GCKR: variants seen among roughly 807,000 people sequenced by gnomAD.
The protein encoded by GCKR is glucokinase regulatory protein.
Under a neutral mutation model 82.9 loss-of-function variants are expected in GCKR, and 73 were observed. The ratio of observed to expected loss-of-function variants is 0.88; its 90% confidence interval spans 0.73 to 1.07. The LOEUF (loss-of-function observed/expected upper bound fraction) is 1.07, where lower values mean the gene tolerates loss of function less well. Ranked by LOEUF, GCKR falls within the 50% of genes least tolerant of loss-of-function variation. The pLI is 0.00. For synonymous variants in GCKR, 294 were observed against 291.8 expected (o/e 1.01, Z -0.08); for missense variants, 784 against 782.1 (o/e 1.00, Z -0.03).
intron 7 of GCKR, among the ~76,000 whole-genome samples, chr2:27,500,181 C>G (rs1669541660): frequency 2.6e-5 from 4 of 152,106 alleles, no homozygotes; most frequent in African/African-American, 9.7e-5. Context: ...GCCTCCTCCT[C>G]CCAGGTTCAA....
intron 16 of GCKR, among the ~76,000 whole-genome samples, chr2:27,511,660 C>T (rs1224694709): frequency 6.6e-6 from 1 of 151,100 alleles, no homozygotes. Flanking sequence ...CCAGCCAGGG[C>T]AACAAGAGTG....
At chr2:27,506,692 AG>A in intron 11 of GCKR, 95 bp from the exon 12 acceptor site, 1 of 1,087,978 alleles carries the variant, frequency 9.2e-7, no homozygotes, top group South Asian at 1.2e-5. Context: ...TGCATGTTGA[AG>A]GGTCATGGTT....
chr2:27,499,477 T>C, intron 7 of GCKR, 27 bp downstream of exon 7: 1 of 1,467,222 alleles, frequency 6.8e-7, no homozygotes, highest in Non-Finnish European at 9.6e-7. Flanking sequence ...GTTGAGTGGA[T>C]CAATTTTAGA....
chr2:27,499,546 G>T, intron 7 of GCKR, 96 bp downstream of exon 7: 1 of 961,886 alleles, frequency 1.0e-6, no homozygotes, highest in Non-Finnish European at 1.7e-6. Flanking sequence ...ATCGGTGCTA[G>T]AAGGCAGGAA....
intron 17 of GCKR, among the ~76,000 whole-genome samples, chr2:27,519,904 G>C (rs1558443267): frequency 6.6e-6 from 1 of 152,060 alleles, no homozygotes; most frequent in Non-Finnish European, 1.5e-5. Flanking sequence ...ATGGGGAAGC[G>C]ATAGATCCTC....
intron 3 of GCKR, 146 bp from the exon 4 acceptor site, chr2:27,498,109 C>G: frequency 1.5e-6 from 1 of 670,320 alleles, no homozygotes; most frequent in Non-Finnish European, 2.6e-6. Flanking sequence ...TTTTGCTACA[C>G]TACATTGCAT....
At chr2:27,504,718 G>A (rs1669668381) in intron 9 of GCKR, among the ~76,000 whole-genome samples, 2 of 152,074 alleles carry the variant, frequency 1.3e-5, no homozygotes, top group African/African-American at 2.4e-5. Flanking sequence ...TGCCACATCT[G>A]GACTGCTGCA....
chr2:27,499,497 T>C (rs776255061), intron 7 of GCKR, 47 bp downstream of exon 7: 2 of 1,187,498 alleles, frequency 1.7e-6, no homozygotes, highest in Non-Finnish European at 2.5e-6. Flanking sequence ...AGAGAGGAAG[T>C]GAGTGGGAAT....
chr2:27,503,627 C>G lies in GCKR; in HGVS notation c.750+8C>G. 1 of 1,489,518 alleles carries G rather than the reference C, an allele frequency of 6.7e-7. No homozygotes were observed. The highest frequency in any genetic ancestry group is 9.4e-7 in the Non-Finnish European group (1 of 1,066,322). 92.3% of individuals were successfully genotyped at this position (1,489,518 alleles called of 1,614,324 possible). A position where few individuals can be genotyped will look rare whatever the true frequency, so the allele number is the denominator to read the frequency against. Reference sequence around the variant, plus strand: ...CTCAATCCTGCCATCGGGGTAGGGCCTCTCCTTTTTCTATGTTCTCCACCC... The same window carrying G: ...CTCAATCCTGCCATCGGGGTAGGGCGTCTCCTTTTTCTATGTTCTCCACCC... On this transcript the variant is annotated splice_region_variant and intron_variant, in intron 9 of 18. Coordinates refer to ENST00000264717, the MANE Select transcript of GCKR (RefSeq NM_001486.4).
chr2:27,516,265 G>A (rs1670003200), intron 16 of GCKR, among the ~76,000 whole-genome samples: 1 of 148,048 alleles, frequency 6.8e-6, no homozygotes, highest in Non-Finnish European at 1.5e-5. Flanking sequence ...TATCCAATAG[G>A]GTTTGTTCTT....
At chr2:27,509,755 C>T (rs1313822498) in intron 16 of GCKR, 12 of 144,546 alleles carry the variant, frequency 8.3e-5, no homozygotes, top group African/African-American at 3.1e-4. Flanking sequence ...AAGAAAAAAT[C>T]ACTCCAAATC....
intron 17 of GCKR, among the ~76,000 whole-genome samples, chr2:27,520,259 A>G (rs903667010): frequency 6.6e-6 from 1 of 152,094 alleles, no homozygotes; most frequent in Non-Finnish European, 1.5e-5. Context: ...AGGTATAAAG[A>G]AGGTGGGGGT....
chr2:27,498,883 G>A, intron 5 of GCKR, 86 bp downstream of exon 5: 1 of 857,946 alleles, frequency 1.2e-6, no homozygotes, highest in Non-Finnish European at 2.0e-6. Context: ...GACAGAGATT[G>A]TGTCTGGCTT....
rs767120253 is a variant in GCKR at position 27,498,790 on chromosome 2, G to C, written c.421G>C (p.Gly141Arg). Residue 141 changes from glycine to arginine, a missense_variant, in exon 5 of 19, where the codon GGT becomes CGT. By Grantham distance (125) the Gly-to-Arg change is moderately radical. Transcript: ENST00000264717. ...KPLYTYLIAG[G>R]DRSVVASREG... ...TCTTTACACCTACCTCATTGCAGGT[G>C]GTGACAGGTAAGCCAAGTTAGCCTA... is the stretch of plus-strand genomic sequence containing the variant. 5.0e-6 allele frequency: 8 copies of C among 1,593,760 alleles called. No individual in the cohort carries two copies. Among genetic ancestry groups the C allele is most frequent in the African/African-American group, 4.0e-5 (3 of 74,496 alleles).
At chr2:27,513,694 TGA>T (rs1184566215) in intron 16 of GCKR, among the ~76,000 whole-genome samples, 2 of 152,214 alleles carry the variant, frequency 1.3e-5, no homozygotes, top group East Asian at 3.8e-4. Context: ...ATGCTCAAAA[TGA>T]GAGTTCATTC....
intron 9 of GCKR, 70 bp from the exon 10 acceptor site, chr2:27,505,648 G>T: frequency 1.2e-6 from 1 of 823,610 alleles, no homozygotes; most frequent in South Asian, 1.3e-5. Context: ...CATGCCCGGG[G>T]GTTACTAACA....
chr2:27,500,194 G>A (rs1377508323), intron 7 of GCKR, among the ~76,000 whole-genome samples: 1 of 152,116 alleles, frequency 6.6e-6, no homozygotes, highest in Admixed American at 6.5e-5. Context: ...AGGTTCAAGC[G>A]ATTCTCCTGC....
rs704794 is a variant in GCKR, at chr2:27,496,896, C to T, written c.-9C>T. 1,590 of 1,611,866 alleles carry T rather than the reference C, an allele frequency of 9.9e-4. 10 individuals carry two copies. The African/African-American group carries it at 0.019, about 19-fold the overall frequency. On this transcript the variant is annotated 5_prime_UTR_variant, in exon 1 of 19. Coordinates refer to ENST00000264717, the MANE Select transcript of GCKR (RefSeq NM_001486.4). ...GGCAGGAGGAACAGTGTATCCACAGCGTGGGACCATGCCAGGCACAAAACG... is the reference window on the plus strand; with the variant it reads ...GGCAGGAGGAACAGTGTATCCACAGTGTGGGACCATGCCAGGCACAAAACG...
chr2:27,501,323 T>C (rs573478289), intron 8 of GCKR, 94 bp downstream of exon 8: 240 of 841,566 alleles, frequency 2.9e-4, no homozygotes, highest in Non-Finnish European at 4.6e-4. Flanking sequence ...GAACAGATAG[T>C]CTTGTTCACC....
Sources: allele counts gnomAD v4.1 joint callset (sites outside exome capture counted in the v4.1 genomes callset), GRCh38; gene constraint gnomAD v4.1.1; transcripts MANE v1.5; gene names NCBI Gene and HGNC (gene_info 2026-07-23, HGNC 2026-07-21).